The following RBFOX1 variants were observed in gnomAD, a reference collection of about 807,000 sequenced individuals.
The protein encoded by RBFOX1 is RNA binding fox-1 homolog 1.
RBFOX1 carries 8 observed loss-of-function variants against 57.7 expected under a neutral mutation model. That is an observed-to-expected ratio of 0.14 (90% CI 0.08 to 0.25). RBFOX1 has a LOEUF of 0.25. RBFOX1 is among the 10% of genes least tolerant of loss of function. RBFOX1 has a pLI of 1.00. For missense variants in RBFOX1, 611 were observed against 548.5 expected (o/e 1.11, Z -1.14); for synonymous variants, 326 against 222.4 (o/e 1.47, Z -4.15).
Position 6,056,114 on chromosome 16 carries a change from G to C in RBFOX1, c.-127+36122G>C, listed in dbSNP as rs113534255. The stretch of plus-strand genomic sequence containing the variant: ...AAATCTAAGTGATGCCAGTATAAAC[G>C]GCGGGAAAATATCTGTCCATAGCTG... On this transcript the variant is annotated intron_variant, in intron 1 of 15. Transcript: ENST00000550418. Among the ~76,000 whole-genome samples, 5 of 152,212 alleles carry C rather than the reference G, an allele frequency of 3.3e-5. 1 individual carries two copies. The highest frequency in any genetic ancestry group is 1.2e-4 in the African/African-American group (5 of 41,550).
chr16:7,460,370 A>AAAAAAAATATATAT (rs1251870828), intron 4 of RBFOX1, among the ~76,000 whole-genome samples: 1 of 76,036 alleles, frequency 1.3e-5, no homozygotes, highest in African/African-American at 6.8e-5. Context: ...CATTTAGCAA[A>AAAAAAAATATATAT]ATATATATAT....
intron 1 of RBFOX1, among the ~76,000 whole-genome samples, chr16:5,269,991 C>T (rs920672864): frequency 9.9e-5 from 15 of 151,978 alleles, no homozygotes; most frequent in African/African-American, 3.6e-4. Flanking sequence ...CCTGTCTCTA[C>T]AAAAAAGAAA....
intron 3 of RBFOX1, among the ~76,000 whole-genome samples, chr16:6,751,235 T>C (rs2074877444): frequency 6.6e-6 from 1 of 152,106 alleles, no homozygotes; most frequent in Non-Finnish European, 1.5e-5. Context: ...TGTATATTAT[T>C]AGGAGATTGT....
chr16:7,307,433 G>A (rs2096216137), intron 4 of RBFOX1, among the ~76,000 whole-genome samples: 1 of 152,140 alleles, frequency 6.6e-6, no homozygotes, highest in Admixed American at 6.5e-5. Context: ...AGTGTAAGTG[G>A]CAACATATCA....
chr16:7,593,080 G>T (rs989633023), intron 7 of RBFOX1, among the ~76,000 whole-genome samples: 1 of 150,544 alleles, frequency 6.6e-6, no homozygotes, highest in Non-Finnish European at 1.5e-5. Context: ...CTCCCAAACT[G>T]CTTGCATTAC....
chr16:7,673,538 C>T (rs994525452), intron 13 of RBFOX1, among the ~76,000 whole-genome samples: 1 of 152,152 alleles, frequency 6.6e-6, no homozygotes, highest in Non-Finnish European at 1.5e-5. Flanking sequence ...GAGACCCCAT[C>T]TCTAGTAGTA....
At chr16:5,597,503 G>A (rs959839325) in intron 2 of RBFOX1, among the ~76,000 whole-genome samples, 4 of 150,184 alleles carry the variant, frequency 2.7e-5, no homozygotes, top group African/African-American at 7.4e-5. Flanking sequence ...AGGTTCAAGC[G>A]ATTCTCCTCC....
At chr16:5,635,545 A>G (rs1225712642) in intron 3 of RBFOX1, among the ~76,000 whole-genome samples, 1 of 152,230 alleles carries the variant, frequency 6.6e-6, no homozygotes, top group Non-Finnish European at 1.5e-5. Flanking sequence ...AGAAATATGT[A>G]TCCCATACAG....
intron 1 of RBFOX1, among the ~76,000 whole-genome samples, chr16:5,307,384 C>T (rs987196276): frequency 6.6e-6 from 1 of 152,194 alleles, no homozygotes; most frequent in Non-Finnish European, 1.5e-5. Context: ...CTTCCCCTCC[C>T]TCCCTCCATT....
At chr16:6,187,747 G>A (rs913165894) in intron 1 of RBFOX1, among the ~76,000 whole-genome samples, 3 of 152,182 alleles carry the variant, frequency 2.0e-5, no homozygotes, top group African/African-American at 7.2e-5. Flanking sequence ...AAAGTGGGAT[G>A]TAGAGAGTGG....
At chr16:7,439,963 T>G (rs1456472070) in intron 4 of RBFOX1, among the ~76,000 whole-genome samples, 2 of 150,160 alleles carry the variant, frequency 1.3e-5, no homozygotes, top group East Asian at 3.9e-4. Flanking sequence ...TTTTTTTTTT[T>G]TTTTTTGAGA....
intron 4 of RBFOX1, among the ~76,000 whole-genome samples, chr16:6,012,127 C>T (rs149410758): frequency 1.2e-3 from 182 of 152,302 alleles, no homozygotes; most frequent in Non-Finnish European, 2.3e-3. Context: ...AGAATCATCA[C>T]TGAGCTGGAT....
intron 2 of RBFOX1, among the ~76,000 whole-genome samples, chr16:6,491,856 A>C (rs1479420899): frequency 6.6e-6 from 1 of 152,186 alleles, no homozygotes; most frequent in Non-Finnish European, 1.5e-5. Context: ...CATTGTTCTA[A>C]CATTGGTGAA....
At chr16:7,115,892 T>G (rs2065804060) in intron 4 of RBFOX1, among the ~76,000 whole-genome samples, 1 of 152,188 alleles carries the variant, frequency 6.6e-6, no homozygotes, top group Non-Finnish European at 1.5e-5. Context: ...GAGAAAAGCA[T>G]AAAATAGCAG....
At chr16:7,594,033 T>C (rs2094569756) in intron 7 of RBFOX1, among the ~76,000 whole-genome samples, 1 of 152,142 alleles carries the variant, frequency 6.6e-6, no homozygotes, top group South Asian at 2.1e-4. Context: ...TGTGCAGGTT[T>C]GTTACATAGG....
chr16:6,547,043 G>A (rs560910652), intron 2 of RBFOX1, among the ~76,000 whole-genome samples: 1 of 152,186 alleles, frequency 6.6e-6, no homozygotes, highest in African/African-American at 2.4e-5. Flanking sequence ...CTGAGCATGC[G>A]TATTATTACT....
At chr16:6,499,330 C>G (rs532865868) in intron 2 of RBFOX1, among the ~76,000 whole-genome samples, 1 of 151,750 alleles carries the variant, frequency 6.6e-6, no homozygotes, top group African/African-American at 2.4e-5. Flanking sequence ...TGCCTGTTTC[C>G]TTTGGGGTAT....
At chr16:7,256,895 C>T (rs1288536083) in intron 4 of RBFOX1, among the ~76,000 whole-genome samples, 1 of 152,080 alleles carries the variant, frequency 6.6e-6, no homozygotes, top group Non-Finnish European at 1.5e-5. Flanking sequence ...TCCATCACAC[C>T]CGGGAAACCT....
At chr16:5,746,765 C>G (rs1033846463) in intron 3 of RBFOX1, among the ~76,000 whole-genome samples, 2 of 152,170 alleles carry the variant, frequency 1.3e-5, no homozygotes, top group African/African-American at 4.8e-5. Context: ...TATAAGAATG[C>G]TTGTGATTTT....
Sources: allele counts gnomAD v4.1 joint callset (sites outside exome capture counted in the v4.1 genomes callset), GRCh38; gene constraint gnomAD v4.1.1; transcripts MANE v1.5; gene names NCBI Gene and HGNC (gene_info 2026-07-23, HGNC 2026-07-21).